The following CHRNB1 variants were observed in gnomAD, a reference collection of about 807,000 sequenced individuals.
CHRNB1 encodes acetylcholine receptor subunit beta.
In CHRNB1, 47 loss-of-function variants were observed where a neutral mutation model predicts 53.8. That is an observed-to-expected ratio of 0.87 (90% CI 0.69 to 1.11). The LOEUF (loss-of-function observed/expected upper bound fraction) is 1.11, where lower values mean the gene tolerates loss of function less well. CHRNB1 is among the 50% of genes most tolerant of loss of function. The pLI is 0.00. For missense variants in CHRNB1, 605 were observed against 654.9 expected, an observed-to-expected ratio of 0.92 and a Z score of 0.83; for synonymous variants, 259 against 263.5, an observed-to-expected ratio of 0.98 and a Z score of 0.16.
chr17:7,454,491 A>G lies in CHRNB1; in HGVS notation c.1015A>G (p.Thr339Ala), dbSNP rs775070102. The G allele has an allele frequency of 2.9e-5, 47 of 1,613,732 alleles. No individual in the cohort carries two copies. The highest frequency in any genetic ancestry group is 3.7e-5 in the Non-Finnish European group (44 of 1,179,970). ...VLNLHHRSPH[T>A]HQMPLWVRQI... ...CAACCTGCACCACCGCTCACCCCAC[A>G]CCCACCAAATGCCCCTTTGGGTCCG... Residue 339 changes from threonine (T) to alanine (A), a missense_variant, in exon 8 of 11, where the codon ACC (threonine) becomes GCC (alanine). By Grantham distance (58) the Thr-to-Ala change is moderately conservative (BLOSUM62 0). Coordinates refer to ENST00000306071, the MANE Select transcript of CHRNB1 (RefSeq NM_000747.3).
chr17:7,450,298 C>A (rs946924878), intron 7 of CHRNB1, among the ~76,000 whole-genome samples: 7 of 151,922 alleles, frequency 4.6e-5, no homozygotes, highest in African/African-American at 1.2e-4. Flanking sequence ...TGCCCACCAC[C>A]ATGCCTGCCT....
At chr17:7,456,023 GT>G (rs1189238980) in intron 10 of CHRNB1, 82 bp downstream of exon 10, 21 of 889,818 alleles carry the variant, frequency 2.4e-5, no homozygotes, top group East Asian at 3.8e-5. Flanking sequence ...ACTCGCTTTC[GT>G]TTTTTTTGTG....
chr17:7,446,095 A>G lies in CHRNB1; in HGVS notation c.225A>G (p.Thr75=). Residue 75 remains threonine, a synonymous_variant, in exon 3 of 11, where the codon ACA becomes ACG. Transcript: ENST00000306071. ...ACGAGAAGGATGAAGAGATGAGCAC[A>G]AAGGTGTACTTAGACCTGGTATGGA... ...SLNEKDEEMS[T]KVYLDLEWTD... is the part of the protein sequence containing the mutation. 1 of 1,614,084 alleles carries G rather than the reference A, an allele frequency of 6.2e-7. No homozygotes were observed. The highest frequency in any genetic ancestry group is 8.5e-7 in the Non-Finnish European group (1 of 1,179,952).
chr17:7,446,952 C>A lies in CHRNB1; in HGVS notation c.353+10C>A. ...TGGTGCTACTGAACAAGTAGGAGAACTTCCAAAGCCCGGGAGGTGGCGCGG... is the reference window on the plus strand; with the variant it reads ...TGGTGCTACTGAACAAGTAGGAGAAATTCCAAAGCCCGGGAGGTGGCGCGG... On this transcript the variant is annotated intron_variant, in intron 4 of 10. Coordinates refer to ENST00000306071, the MANE Select transcript of CHRNB1 (RefSeq NM_000747.3). 2 of 1,578,824 alleles carry A rather than the reference C, an allele frequency of 1.3e-6. No homozygotes were observed. The highest frequency in any genetic ancestry group is 1.7e-6 in the Non-Finnish European group (2 of 1,150,376).
intron 3 of CHRNB1, chr17:7,446,333 G>GTGTGTGTC (rs1555551794): frequency 3.1e-4 from 80 of 254,020 alleles, no homozygotes; most frequent in South Asian, 2.8e-3. Flanking sequence ...GTGTCTGTGT[G>GTGTGTGTC]TGTGTGTGTG....
intron 8 of CHRNB1, 28 bp downstream of exon 8, chr17:7,454,548 A>G: frequency 6.3e-7 from 1 of 1,585,340 alleles, no homozygotes; most frequent in Non-Finnish European, 8.7e-7. Context: ...CTCCAACCCC[A>G]ATTTTCCTTT....
At chr17:7,451,274 CTTTTTTT>C (rs34769424) in intron 7 of CHRNB1, among the ~76,000 whole-genome samples, 5 of 92,020 alleles carry the variant, frequency 5.4e-5, no homozygotes, top group African/African-American at 9.5e-5. Context: ...CTTTTCTTTT[CTTTTTTT>C]TTTTTTTTTT....
At chr17:7,451,943 C>T (rs1908903450) in intron 7 of CHRNB1, among the ~76,000 whole-genome samples, 2 of 152,220 alleles carry the variant, frequency 1.3e-5, no homozygotes, top group South Asian at 4.1e-4. Context: ...TAGAGGGCCA[C>T]CCCAGCCCTG....
chr17:7,455,156 G>A, intron 8 of CHRNB1, 128 bp from the exon 9 acceptor site: 2 of 1,072,326 alleles, frequency 1.9e-6, no homozygotes, highest in Non-Finnish European at 2.8e-6. Flanking sequence ...TGTGTAGCTC[G>A]TTTGTGGAAG....
chr17:7,447,991 C>T (rs976320803), intron 6 of CHRNB1, among the ~76,000 whole-genome samples: 2 of 134,252 alleles, frequency 1.5e-5, no homozygotes, highest in African/African-American at 5.6e-5. Flanking sequence ...AGGAGAATCG[C>T]TTGAACCTGG....
At chr17:7,449,402 C>CTTTTTTTTTTTTTTTTTTT (rs769505757) in intron 7 of CHRNB1, among the ~76,000 whole-genome samples, 1 of 89,062 alleles carries the variant, frequency 1.1e-5, no homozygotes, top group African/African-American at 5.0e-5. Flanking sequence ...AGGGCCCGAC[C>CTTTTTTTTTTTTTTTTTTT]TTTTTTTTTT....
rs7214344 is a variant in CHRNB1 at position 7,455,484 on chromosome 17, G to A, written c.1217+28G>A. ...AGGACTACGCCCGTTACCCACATAA[G>A]AGGGAGAGGGAGAACTACAGTTCCC... On this transcript the variant is annotated intron_variant, in intron 9 of 10. Transcript: ENST00000306071. 0.99 allele frequency: 1,604,759 copies of A among 1,613,656 alleles called. 798,356 individuals are homozygous for A. The highest frequency in any genetic ancestry group is 1 in the East Asian group (44,882 of 44,882).
chr17:7,451,209 C>G (rs1024024697), intron 7 of CHRNB1, among the ~76,000 whole-genome samples: 2 of 151,552 alleles, frequency 1.3e-5, no homozygotes, highest in Non-Finnish European at 2.9e-5. Flanking sequence ...CTAGAACAGG[C>G]AAGTGAGTTT....
intron 7 of CHRNB1, among the ~76,000 whole-genome samples, chr17:7,452,565 C>T (rs1328685390): frequency 6.6e-6 from 1 of 152,206 alleles, no homozygotes; most frequent in Non-Finnish European, 1.5e-5. Flanking sequence ...AGGGCAGATG[C>T]AGCTTTCCAT....
chr17:7,451,215 A>C (rs1908869948), intron 7 of CHRNB1, among the ~76,000 whole-genome samples: 1 of 148,124 alleles, frequency 6.8e-6, no homozygotes, highest in African/African-American at 2.5e-5. Context: ...CAGGCAAGTG[A>C]GTTTCACTGG....
intron 3 of CHRNB1, chr17:7,446,443 G>A (rs1267030216): frequency 1.9e-6 from 1 of 524,694 alleles, no homozygotes; most frequent in Non-Finnish European, 3.4e-6. Context: ...AGCCTCGGGG[G>A]GAACCTCCAC....
intron 7 of CHRNB1, 52 bp from the exon 8 acceptor site, chr17:7,454,245 A>C: frequency 7.0e-7 from 1 of 1,425,386 alleles, no homozygotes; most frequent in Non-Finnish European, 9.9e-7. Context: ...TATGCCATAG[A>C]GCTTTCCTTC....
rs771242993 is a variant in CHRNB1, at chr17:7,454,477, A to G, written c.1001A>G (p.His334Arg). 6.2e-7 allele frequency: 1 copy of G among 1,614,020 alleles called. No individual in the cohort carries two copies. The highest frequency in any genetic ancestry group is 1.1e-5 in the South Asian group (1 of 91,072). Residue 334 changes from histidine to arginine, a missense_variant, in exon 8 of 11, where the codon CAC becomes CGC. By Grantham distance (29) the His-to-Arg change is conservative (BLOSUM62 0). Transcript: ENST00000306071. ...AGTGTCGTGGTTCTCAACCTGCACC[A>G]CCGCTCACCCCACACCCACCAAATG... ...ILSVVVLNLH[H>R]RSPHTHQMPL...
intron 10 of CHRNB1, among the ~76,000 whole-genome samples, 159 bp downstream of exon 10, chr17:7,456,100 G>T (rs1179213805): frequency 1.5e-5 from 2 of 135,134 alleles, no homozygotes; most frequent in Non-Finnish European, 3.0e-5. Flanking sequence ...TGTCGCCCAG[G>T]CTGGAGTGCA....
Sources: allele counts gnomAD v4.1 joint callset (sites outside exome capture counted in the v4.1 genomes callset), GRCh38; gene constraint gnomAD v4.1.1; transcripts MANE v1.5; gene names NCBI Gene and HGNC (gene_info 2026-07-23, HGNC 2026-07-21).